Variants in RALGAPB observed in about 807,000 individuals in gnomAD.
RALGAPB encodes Ral GTPase activating protein non-catalytic subunit beta.
Under a neutral mutation model 161.1 loss-of-function variants are expected in RALGAPB, and 25 were observed. The ratio of observed to expected loss-of-function variants is 0.16; its 90% CI spans 0.11 to 0.22. RALGAPB has a LOEUF of 0.22. RALGAPB is among the 10% of genes least tolerant of loss of function. The pLI is 1.00. For missense variants in RALGAPB, 1,391 were observed against 1,815.2 expected, an observed-to-expected ratio of 0.77 and a Z score of 4.25; for synonymous variants, 629 against 626.1, an observed-to-expected ratio of 1.00 and a Z score of -0.07.
intron 27 of RALGAPB, 150 bp from the exon 28 acceptor site, chr20:38,570,619 T>G (rs1187149085): frequency 4.8e-6 from 2 of 419,066 alleles, no homozygotes; most frequent in African/African-American, 4.1e-5. Flanking sequence ...ATTTTTTAAT[T>G]TGTAGAGAAT....
At chr20:38,539,718 G>T in intron 16 of RALGAPB, 58 bp from the exon 17 acceptor site, 1 of 1,553,432 alleles carries the variant, frequency 6.4e-7, no homozygotes. Context: ...CAAATGCTTT[G>T]AAATTGGTAC....
intron 6 of RALGAPB, among the ~76,000 whole-genome samples, chr20:38,514,159 A>G (rs1361795636): frequency 6.6e-6 from 1 of 152,210 alleles, no homozygotes; most frequent in Non-Finnish European, 1.5e-5. Flanking sequence ...GAAGCAGCGA[A>G]CAACCCTTTC....
At chr20:38,514,400 C>T (rs941716147) in intron 6 of RALGAPB, among the ~76,000 whole-genome samples, 8 of 152,256 alleles carry the variant, frequency 5.3e-5, no homozygotes, top group Middle Eastern at 6.8e-3. Flanking sequence ...TTTCAGTTCA[C>T]GGGGGCTTTC....
At chr20:38,544,230 T>C (rs962127993) in intron 18 of RALGAPB, among the ~76,000 whole-genome samples, 1 of 152,214 alleles carries the variant, frequency 6.6e-6, no homozygotes, top group Non-Finnish European at 1.5e-5. Flanking sequence ...TCTCTCCCAC[T>C]TCTATGCGTT....
intron 25 of RALGAPB, among the ~76,000 whole-genome samples, chr20:38,566,698 T>C (rs2145512603): frequency 6.6e-6 from 1 of 152,366 alleles, no homozygotes; most frequent in East Asian, 1.9e-4. Flanking sequence ...GCTACATGAT[T>C]GAATATATAA....
chr20:38,516,681 A>G (rs2086134696), intron 7 of RALGAPB: 1 of 223,906 alleles, frequency 4.5e-6, no homozygotes. Context: ...GGCCTAGTAG[A>G]TAAATGGACA....
intron 10 of RALGAPB, among the ~76,000 whole-genome samples, chr20:38,523,023 A>C (rs1347554703): frequency 1.3e-5 from 2 of 152,014 alleles, no homozygotes; most frequent in Non-Finnish European, 2.9e-5. Flanking sequence ...GCATGATGGC[A>C]TTTGCCTGTA....
intron 14 of RALGAPB, among the ~76,000 whole-genome samples, chr20:38,531,493 G>C (rs1330806120): frequency 6.6e-6 from 1 of 152,186 alleles, no homozygotes; most frequent in Non-Finnish European, 1.5e-5. Context: ...AACAGTGTCT[G>C]CTTAAAACTG....
chr20:38,515,033 G>A (rs1208811582), intron 6 of RALGAPB, among the ~76,000 whole-genome samples: 1 of 152,208 alleles, frequency 6.6e-6, no homozygotes, highest in Non-Finnish European at 1.5e-5. Flanking sequence ...ATTTACAGTA[G>A]ACATGAATTT....
intron 18 of RALGAPB, 151 bp from the exon 19 acceptor site, chr20:38,546,092 G>GACA: frequency 7.4e-7 from 1 of 1,347,856 alleles, no homozygotes; most frequent in Non-Finnish European, 1.0e-6. Context: ...AGCATGCCAT[G>GACA]GCATTCACCA....
intron 1 of RALGAPB, among the ~76,000 whole-genome samples, chr20:38,474,228 C>A (rs1210106288): frequency 6.6e-6 from 1 of 152,170 alleles, no homozygotes; most frequent in African/African-American, 2.4e-5. Flanking sequence ...AACGTTCTGG[C>A]CATCCCACCC....
chr20:38,573,151 C>T (rs1040671249), intron 28 of RALGAPB, among the ~76,000 whole-genome samples: 6 of 151,532 alleles, frequency 4.0e-5, no homozygotes, highest in African/African-American at 7.3e-5. Flanking sequence ...AGGCTGGTCT[C>T]GAACTCCTGG....
Position 38,517,487 on chromosome 20 carries a change from T to G in RALGAPB, c.1052-19T>G. ...GACCTATGAAGAATAATTTCATTTG[T>G]CTTTTTTTTTTTTTTAAGGTATTTC... On this transcript the variant is annotated intron_variant, in intron 7 of 29. Coordinates refer to ENST00000262879, the MANE Select transcript of RALGAPB (RefSeq NM_020336.4). 1 of 1,534,338 alleles carries G rather than the reference T, an allele frequency of 6.5e-7. No homozygotes were observed. Among genetic ancestry groups the G allele is most frequent in the Non-Finnish European group, 8.8e-7 (1 of 1,142,448 alleles).
intron 7 of RALGAPB, among the ~76,000 whole-genome samples, chr20:38,516,993 C>A (rs2086145947): frequency 6.6e-6 from 1 of 152,160 alleles, no homozygotes; most frequent in Admixed American, 6.5e-5. Context: ...AACCAAAAAT[C>A]CTATTGTAAA....
intron 6 of RALGAPB, among the ~76,000 whole-genome samples, chr20:38,513,016 T>C (rs930553202): frequency 6.6e-6 from 1 of 151,832 alleles, no homozygotes; most frequent in East Asian, 1.9e-4. Context: ...TGCCTCGGCC[T>C]CTCAAAGTGC....
At chr20:38,548,861 A>G in intron 20 of RALGAPB, 66 bp downstream of exon 20, 7 of 1,295,756 alleles carry the variant, frequency 5.4e-6, no homozygotes, top group Non-Finnish European at 7.8e-6. Context: ...GTAACATTCC[A>G]ACAGAAGACA....
chr20:38,574,409 G>A (rs970051778), intron 29 of RALGAPB, 111 bp downstream of exon 29: 9 of 1,199,008 alleles, frequency 7.5e-6, no homozygotes, highest in Non-Finnish European at 1.0e-5. Context: ...GCTTCCACAT[G>A]TAGGAAATGG....
chr20:38,541,205 C>A lies in RALGAPB; in HGVS notation c.2714+13C>A. The A allele has an allele frequency of 6.2e-7, 1 of 1,612,432 alleles. No homozygotes were observed. The highest frequency in any genetic ancestry group is 8.5e-7 in the Non-Finnish European group (1 of 1,178,960). On this transcript the variant is annotated intron_variant, in intron 18 of 29. Coordinates refer to ENST00000262879, the MANE Select transcript of RALGAPB (RefSeq NM_020336.4). The stretch of plus-strand genomic sequence containing the variant: ...CCACCCTAACATGGTATGGAAGTGA[C>A]CGCACAGGGATTGTGCCTAGGAATT...
At chr20:38,531,560 C>T (rs187090123) in intron 14 of RALGAPB, among the ~76,000 whole-genome samples, 1 of 152,266 alleles carries the variant, frequency 6.6e-6, no homozygotes. Context: ...AAGCCCTAGC[C>T]AGCAAGCAAC....
Sources: gnomAD v4.1 joint callset for allele counts (sites outside exome capture counted in the v4.1 genomes callset) on GRCh38, gnomAD v4.1.1 for gene constraint, MANE v1.5 for transcripts, NCBI Gene and HGNC (gene_info 2026-07-23, HGNC 2026-07-21) for gene names.